Variants in DCDC2B observed in about 807,000 individuals in gnomAD.
The protein encoded by DCDC2B is doublecortin domain-containing protein 2B.
In DCDC2B, 41 loss-of-function variants were observed where a neutral mutation model predicts 38.9. That is an observed-to-expected ratio of 1.05 (90% CI 0.82 to 1.37). The LOEUF (loss-of-function observed/expected upper bound fraction) is 1.37. Ranked by LOEUF, DCDC2B falls within the 40% of genes most tolerant of loss-of-function variation. DCDC2B has a pLI of 0.00. For synonymous variants in DCDC2B, 181 were observed against 171.9 expected (o/e 1.05, Z -0.41); for missense variants, 453 against 427.2 (o/e 1.06, Z -0.53).
intron 6 of DCDC2B, 176 bp from the exon 7 acceptor site, chr1:32,214,621 T>C: frequency 1.2e-6 from 1 of 838,638 alleles, no homozygotes; most frequent in Non-Finnish European, 1.8e-6. Flanking sequence ...TGTCCCTGGA[T>C]AAGTCAGGCT....
intron 3 of DCDC2B, 57 bp from the exon 4 acceptor site, chr1:32,212,013 C>T (rs1643605650): frequency 6.3e-7 from 1 of 1,585,426 alleles, no homozygotes; most frequent in Non-Finnish European, 8.6e-7. Context: ...TGCCACCCTT[C>T]CCCTCACATG....
At chr1:32,215,332 T>C in intron 7 of DCDC2B, 108 bp from the exon 8 acceptor site, 7 of 928,568 alleles carry the variant, frequency 7.5e-6, no homozygotes, top group Non-Finnish European at 1.1e-5. Context: ...TGGTGGGGAA[T>C]GCAGAACCAG....
Position 32,214,930 on chromosome 1 carries a change from C to T in DCDC2B, c.848C>T (p.Ser283Leu), listed in dbSNP as rs1399801486. The T allele has an allele frequency of 1.9e-6, 3 of 1,613,926 alleles. No individual in the cohort carries two copies. The highest frequency in any genetic ancestry group is 2.5e-6 in the Non-Finnish European group (3 of 1,179,868). Residue 283 changes from serine to leucine, a missense_variant and splice_region_variant, in exon 7 of 9, where the codon TCA becomes TTA. By Grantham distance (145) the Ser-to-Leu change is moderately radical. Transcript: ENST00000409358. ...AAGCTCCCCACACTCTCATTCCCAT[C>T]AGGTGAGGGGTCCCTGGGGCTCAGG... ...RSKLPTLSFP[S>L]GVIGVYGAPH...
In DCDC2B at chr1:32,215,942, A is replaced by C. The variant is rs1349924188; in HGVS notation, c.*45A>C. ...GCAACTGGGGACCACTACTCTGGCC[A>C]CCTTTTGTCCTTAGCCTCCAGCAGC... On this transcript the variant is annotated 3_prime_UTR_variant, in exon 9 of 9. Transcript: ENST00000409358. 3 of 1,468,566 alleles carry C rather than the reference A, an allele frequency of 2.0e-6. No individual in the cohort carries two copies. The African/African-American group carries it at 4.2e-5, about 21-fold the overall frequency. 91.0% of individuals were successfully genotyped at this position (1,468,566 alleles called of 1,614,324 possible).
At chr1:32,213,619 C>A (rs1479571418) in intron 6 of DCDC2B, among the ~76,000 whole-genome samples, 2 of 151,686 alleles carry the variant, frequency 1.3e-5, no homozygotes, top group Non-Finnish European at 2.9e-5. Context: ...TGCCATTCTC[C>A]TGCCTCAGCC....
chr1:32,211,748 A>G lies in DCDC2B; in HGVS notation c.319-13A>G, dbSNP rs746149653. On this transcript the variant is annotated splice_polypyrimidine_tract_variant and intron_variant, in intron 2 of 8. Transcript: ENST00000409358. ...CCAACTCTCCTGATTTGGAGGCCTGACATGGGTTTCAGGGTCCTCCCGTGA... is the reference window on the plus strand; with the variant it reads ...CCAACTCTCCTGATTTGGAGGCCTGGCATGGGTTTCAGGGTCCTCCCGTGA... The G allele has an allele frequency of 1.3e-5, 20 of 1,599,762 alleles. No homozygotes were observed. Among genetic ancestry groups the G allele is most frequent in the Non-Finnish European group, 1.5e-5 (18 of 1,173,458 alleles).
At position 32,209,357 on chromosome 1, in the gene DCDC2B, C is replaced by T; in HGVS notation, c.264C>T (p.Leu88=). The change falls in exon 1 of 9, where the codon CTC becomes CTT. Residue 88 remains leucine (L), a splice_region_variant and synonymous_variant. Transcript: ENST00000409358. ...VAAGFERFHK[L]HYLPHRGKDP... is the part of the protein sequence containing the mutation. Reference sequence around the variant, plus strand: ...CTGGATTTGAACGATTCCACAAGCTCCAGTGAGTGGGCTGGGGCTGGTCAA... The same window carrying T: ...CTGGATTTGAACGATTCCACAAGCTTCAGTGAGTGGGCTGGGGCTGGTCAA... 2 of 1,613,682 alleles carry T rather than the reference C, an allele frequency of 1.2e-6. No homozygotes were observed. The highest frequency in any genetic ancestry group is 1.7e-6 in the Non-Finnish European group (2 of 1,179,696).
In DCDC2B at chr1:32,209,500, G is replaced by A. The variant is rs1327093941; in HGVS notation, c.266+141G>A. The A allele has an allele frequency of 3.0e-5, 37 of 1,231,496 alleles. No homozygotes were observed. The Admixed American group carries it at 8.9e-4, about 30-fold the overall frequency. 76.3% of individuals were successfully genotyped at this position (1,231,496 alleles called of 1,614,324 possible). A position where few individuals can be genotyped will look rare whatever the true frequency, so the allele number is the denominator to read the frequency against. On this transcript the variant is annotated intron_variant, in intron 1 of 8. Transcript: ENST00000409358. ...AGGGGGGGTGGTTTTGCCTCCATTA[G>A]AAAGGGAAAACAGACAGAAAACCTG...
Position 32,214,783 on chromosome 1 carries a change from T to C in DCDC2B, c.715-14T>C, listed in dbSNP as rs775005370. The C allele has an allele frequency of 1.2e-6, 2 of 1,613,840 alleles. No individual in the cohort carries two copies. The highest frequency in any genetic ancestry group is 3.3e-5 in the Admixed American group (2 of 59,996). On this transcript the variant is annotated splice_polypyrimidine_tract_variant and intron_variant, in intron 6 of 8. Coordinates refer to ENST00000409358, the MANE Select transcript of DCDC2B (RefSeq NM_001099434.2). ...GCCAGCAATCAGGGTCCAAGCCCAGTGTCCCTTCTCTAGGCCCAAGGCCAC... is the reference window on the plus strand; with the variant it reads ...GCCAGCAATCAGGGTCCAAGCCCAGCGTCCCTTCTCTAGGCCCAAGGCCAC...
Position 32,214,824 on chromosome 1 carries a change from C to G in DCDC2B, c.742C>G (p.Gln248Glu). 6.2e-7 allele frequency: 1 copy of G among 1,613,958 alleles called. No homozygotes were observed. Among genetic ancestry groups the G allele is most frequent in the Non-Finnish European group, 8.5e-7 (1 of 1,179,884 alleles). ...GAQGHRAQVT[Q>E]PSPKEPDRIK... ...CCAAGGCCACAGGGCCCAGGTAACC[C>G]AGCCCTCTCCAAAGGAACCAGACCG... The change falls in exon 7 of 9, where the codon CAG becomes GAG. Residue 248 changes from glutamine (Q) to glutamate (E), a missense_variant. Physicochemically the swap from Gln to Glu is conservative, Grantham distance 29 (BLOSUM62 2). Coordinates refer to ENST00000409358, the MANE Select transcript of DCDC2B (RefSeq NM_001099434.2).
At chr1:32,214,959 T>G in intron 7 of DCDC2B, 27 bp downstream of exon 7, 1 of 1,613,364 alleles carries the variant, frequency 6.2e-7, no homozygotes, top group South Asian at 1.1e-5. Flanking sequence ...GCTCAGGCCC[T>G]TCTCAGCTGC....
chr1:32,212,253 C>T lies in DCDC2B; in HGVS notation c.527+52C>T, dbSNP rs374043088. Reference sequence around the variant, plus strand: ...AAAGTCCCCAAAGAGAGCCTCGCCACTGGCTTCAGCTGTGGCTGAGGATGA... The same window carrying T: ...AAAGTCCCCAAAGAGAGCCTCGCCATTGGCTTCAGCTGTGGCTGAGGATGA... On this transcript the variant is annotated intron_variant, in intron 4 of 8. Coordinates refer to ENST00000409358, the MANE Select transcript of DCDC2B (RefSeq NM_001099434.2). 37 of 1,594,366 alleles carry T rather than the reference C, an allele frequency of 2.3e-5. No homozygotes were observed. In the African/African-American group the frequency reaches 4.4e-4, roughly 19 times the overall value.
intron 4 of DCDC2B, 114 bp downstream of exon 4, chr1:32,212,315 T>G: frequency 6.5e-7 from 1 of 1,547,722 alleles, no homozygotes; most frequent in Non-Finnish European, 8.8e-7. Flanking sequence ...CACATGGGAC[T>G]TCCCCCTATG....
chr1:32,211,312 T>G lies in DCDC2B; in HGVS notation c.307T>G (p.Cys103Gly). 1 of 1,613,918 alleles carries G rather than the reference T, an allele frequency of 6.2e-7. No homozygotes were observed. Among genetic ancestry groups the G allele is most frequent in the Non-Finnish European group, 8.5e-7 (1 of 1,179,850 alleles). ...AGGGAAGGACCCAGGTGGGAAGAGC[T>G]GCAGACTACAAGTGAGTCCCGGGGA... Reference protein sequence around the residue: ...HRGKDPGGKSCRLQGPPVTRH... With the variant: ...HRGKDPGGKSGRLQGPPVTRH... Residue 103 changes from cysteine to glycine, a missense_variant, in exon 2 of 9, where the codon TGC becomes GGC. By Grantham distance (159) the Cys-to-Gly change is radical (BLOSUM62 -3). Coordinates refer to ENST00000409358, the MANE Select transcript of DCDC2B (RefSeq NM_001099434.2).
chr1:32,214,913 C>T lies in DCDC2B; in HGVS notation c.831C>T (p.Pro277=). ...CCATTCAGCCAAGAAGCAAGCTCCC[C>T]ACACTCTCATTCCCATCAGGTGAGG... ...QQTIQPRSKL[P]TLSFPSGVIG... Residue 277 remains proline (P), a synonymous_variant, in exon 7 of 9, where the codon CCC becomes CCT. Coordinates refer to ENST00000409358, the MANE Select transcript of DCDC2B (RefSeq NM_001099434.2). 1 of 1,614,006 alleles carries T rather than the reference C, an allele frequency of 6.2e-7. No individual in the cohort carries two copies. The highest frequency in any genetic ancestry group is 8.5e-7 in the Non-Finnish European group (1 of 1,179,888).
intron 7 of DCDC2B, 129 bp from the exon 8 acceptor site, chr1:32,215,311 A>G: frequency 1.3e-6 from 1 of 770,380 alleles, no homozygotes; most frequent in Non-Finnish European, 2.1e-6. Flanking sequence ...CTTCCTTGCC[A>G]TCCTGGGAGG....
chr1:32,216,016 G>A lies in DCDC2B; in HGVS notation c.*119G>A, dbSNP rs1638356271. ...CCGCTGGGCTCACAGGGTACACTGC[G>A]GCCTCCTCAGCCCTCCCCGTTCTCC... is the stretch of plus-strand genomic sequence containing the variant. On this transcript the variant is annotated 3_prime_UTR_variant, in exon 9 of 9. Coordinates refer to ENST00000409358, the MANE Select transcript of DCDC2B (RefSeq NM_001099434.2). The A allele has an allele frequency of 9.1e-6, 8 of 877,922 alleles. No homozygotes were observed. The highest frequency in any genetic ancestry group is 1.5e-5 in the South Asian group (1 of 66,814). 54.4% of individuals were successfully genotyped at this position (877,922 alleles called of 1,614,324 possible).
In DCDC2B at chr1:32,209,236, A is replaced by G. The variant is rs1482778025; in HGVS notation, c.143A>G (p.Gln48Arg). 6.2e-7 allele frequency: 1 copy of G among 1,614,006 alleles called. No individual in the cohort carries two copies. The highest frequency in any genetic ancestry group is 8.5e-7 in the Non-Finnish European group (1 of 1,179,886). ...AFLCEVTSAV[Q>R]APLAVRALYT... ...CTCTGCGAGGTGACATCAGCTGTGCAGGCCCCACTGGCTGTGCGTGCCCTC... is the reference window on the plus strand; with the variant it reads ...CTCTGCGAGGTGACATCAGCTGTGCGGGCCCCACTGGCTGTGCGTGCCCTC... The change falls in exon 1 of 9, where the codon CAG becomes CGG. Residue 48 changes from glutamine to arginine, a missense_variant. Gln to Arg is a conservative substitution (Grantham distance 43, BLOSUM62 1). Transcript: ENST00000409358.
chr1:32,210,325 TAAAAA>T (rs905848009), intron 1 of DCDC2B, among the ~76,000 whole-genome samples: 3 of 78,744 alleles, frequency 3.8e-5, no homozygotes, highest in African/African-American at 1.5e-4. Context: ...AAACTCCATC[TAAAAA>T]AAAAAAAAAA....
Sources: gnomAD v4.1 joint callset for allele counts (sites outside exome capture counted in the v4.1 genomes callset) on GRCh38, gnomAD v4.1.1 for gene constraint, MANE v1.5 for transcripts, NCBI Gene and HGNC (gene_info 2026-07-23, HGNC 2026-07-21) for gene names.